The following RNF122 variants were observed in gnomAD, a reference collection of about 807,000 sequenced individuals.
RNF122 encodes ring finger protein 122.
Under a neutral mutation model 24.2 loss-of-function variants are expected in RNF122, and 17 were observed. That is an observed-to-expected ratio of 0.70 (90% CI 0.48 to 1.06). RNF122 has a LOEUF of 1.06. Among genes scored for constraint, RNF122 ranks in the 50% least tolerant of loss-of-function variants. The pLI is 0.00. For synonymous variants in RNF122, 65 were observed against 71.8 expected, an observed-to-expected ratio of 0.91 and a Z score of 0.48; for missense variants, 168 against 198.1, an observed-to-expected ratio of 0.85 and a Z score of 0.91.
At chr8:33,550,249 A>C (rs566991120) in intron 4 of RNF122, among the ~76,000 whole-genome samples, 1 of 152,256 alleles carries the variant, frequency 6.6e-6, no homozygotes, top group East Asian at 1.9e-4. Context: ...CATTCTTTAA[A>C]TCCAGACTTC....
chr8:33,552,795 A>C (rs1309465190), intron 2 of RNF122, among the ~76,000 whole-genome samples: 3 of 152,050 alleles, frequency 2.0e-5, no homozygotes, highest in African/African-American at 7.2e-5. Context: ...GGGATGGCTC[A>C]TGCCTGTAAT....
Position 33,564,029 on chromosome 8 carries a change from T to C in RNF122, c.25+2670A>G, listed in dbSNP as rs746933943. On this transcript the variant is annotated intron_variant, in intron 1 of 5. Transcript: ENST00000256257. Reference sequence around the variant, plus strand: ...GATAAAGAGGTCGGTGGGAAGAGCATAGTCAAGAGGAGATGGTTCATTTGC... The same window carrying C: ...GATAAAGAGGTCGGTGGGAAGAGCACAGTCAAGAGGAGATGGTTCATTTGC... Among the ~76,000 whole-genome samples, 2 of 152,158 alleles carry C rather than the reference T, an allele frequency of 1.3e-5. 1 individual carries two copies. Among genetic ancestry groups the C allele is most frequent in the Admixed American group, 1.3e-4 (2 of 15,252 alleles).
intron 2 of RNF122, among the ~76,000 whole-genome samples, chr8:33,556,804 T>A (rs1312599501): frequency 6.6e-6 from 1 of 152,170 alleles, no homozygotes; most frequent in Non-Finnish European, 1.5e-5. Context: ...CTGCATAGAT[T>A]TTTATGTGGA....
chr8:33,548,948 T>C (rs1253469187), intron 5 of RNF122, 81 bp from the exon 6 acceptor site: 5 of 1,017,102 alleles, frequency 4.9e-6, no homozygotes, highest in Admixed American at 1.7e-5. Flanking sequence ...GAATATCCCG[T>C]GGTGGCTCAC....
Position 33,551,360 on chromosome 8 carries a change from C to T in RNF122, c.212G>A (p.Arg71Gln), listed in dbSNP as rs267601903. ...SKLRNQAQSE[R>Q]YGYKEVVLKG... ...GCACTTTACCTCCTTATATCCGTAT[C>T]GCTCACTCTGTGCCTGGTTCCGCAG... The change falls in exon 3 of 6, where the codon CGA becomes CAA. Residue 71 changes from arginine to glutamine, a missense_variant. Arg to Gln is a conservative substitution (Grantham distance 43). Coordinates refer to ENST00000256257, the MANE Select transcript of RNF122 (RefSeq NM_024787.3). 23 of 1,613,980 alleles carry T rather than the reference C, an allele frequency of 1.4e-5. No individual in the cohort carries two copies. Among genetic ancestry groups the T allele is most frequent in the African/African-American group, 5.3e-5 (4 of 74,926 alleles).
chr8:33,562,935 A>C (rs1810560438), intron 1 of RNF122, among the ~76,000 whole-genome samples: 1 of 151,916 alleles, frequency 6.6e-6, no homozygotes, highest in African/African-American at 2.4e-5. Context: ...AAACAAAACA[A>C]AACAAAAAAC....
chr8:33,556,067 G>C (rs1369279928), intron 2 of RNF122, among the ~76,000 whole-genome samples: 1 of 151,050 alleles, frequency 6.6e-6, no homozygotes, highest in East Asian at 2.0e-4. Flanking sequence ...GCACACACCT[G>C]TACTCGGGAG....
chr8:33,564,197 G>A (rs977453303), intron 1 of RNF122, among the ~76,000 whole-genome samples: 1 of 152,120 alleles, frequency 6.6e-6, no homozygotes, highest in African/African-American at 2.4e-5. Flanking sequence ...AGGGGTGAGG[G>A]AAGGGTTGCT....
intron 4 of RNF122, among the ~76,000 whole-genome samples, chr8:33,550,658 A>G (rs902317802): frequency 6.6e-6 from 1 of 152,166 alleles, no homozygotes; most frequent in African/African-American, 2.4e-5. Context: ...GGTATATACA[A>G]AAGTAAAAGG....
intron 1 of RNF122, among the ~76,000 whole-genome samples, chr8:33,565,364 G>T (rs142810737): frequency 8.0e-4 from 112 of 140,172 alleles, no homozygotes; most frequent in African/African-American, 2.8e-3. Context: ...TCTGGCAGGA[G>T]TCTACTCTAA....
chr8:33,566,105 G>A (rs181343437), intron 1 of RNF122, among the ~76,000 whole-genome samples: 3,234 of 152,102 alleles, frequency 0.021, 61 homozygotes, highest in Non-Finnish European at 0.028. Flanking sequence ...CGCCCGCCTC[G>A]GCCTCCCAAA....
rs140283198 is a variant in RNF122, at chr8:33,548,349, T to C, written c.*404A>G. The C allele has an allele frequency of 7.9e-4, 123 of 156,282 alleles. No individual in the cohort carries two copies. Among genetic ancestry groups the C allele is most frequent in the African/African-American group, 2.6e-3 (108 of 41,750 alleles). The allele number at this position is 156,282 out of a possible 1,614,324, so 9.7% of individuals were successfully genotyped here. On this transcript the variant is annotated 3_prime_UTR_variant, in exon 6 of 6. Transcript: ENST00000256257. ...GAAGGAGTGGGAAGGGGAGGGAAGG[T>C]TGTAGAGAGGTAAGAGCCCGTCTCA...
intron 2 of RNF122, among the ~76,000 whole-genome samples, chr8:33,555,041 G>A (rs903245230): frequency 1.3e-5 from 2 of 152,194 alleles, no homozygotes; most frequent in African/African-American, 4.8e-5. Context: ...CTCTGAGACT[G>A]TGAAACTCCA....
At chr8:33,552,773 T>C (rs1810396034) in intron 2 of RNF122, among the ~76,000 whole-genome samples, 1 of 151,976 alleles carries the variant, frequency 6.6e-6, no homozygotes, top group Non-Finnish European at 1.5e-5. Context: ...GCCTCCTGTA[T>C]GTGGGTTGGG....
chr8:33,551,065 G>C lies in RNF122; in HGVS notation c.249C>G (p.Ala83=). Reference sequence around the variant, plus strand: ...TTACCCCATATAATTGTAACTTCTTGGCATCACCTTTAAGCACCACCTGAA... The same window carrying C: ...TTACCCCATATAATTGTAACTTCTTCGCATCACCTTTAAGCACCACCTGAA... ...GYKEVVLKGD[A]KKLQLYGQTC... Residue 83 remains alanine (A), a synonymous_variant, in exon 4 of 6, where the codon GCC becomes GCG. Coordinates refer to ENST00000256257, the MANE Select transcript of RNF122 (RefSeq NM_024787.3). 1 of 1,614,028 alleles carries C rather than the reference G, an allele frequency of 6.2e-7. No homozygotes were observed. The highest frequency in any genetic ancestry group is 8.5e-7 in the Non-Finnish European group (1 of 1,179,994).
At chr8:33,556,406 G>A (rs980613768) in intron 2 of RNF122, among the ~76,000 whole-genome samples, 1 of 152,130 alleles carries the variant, frequency 6.6e-6, no homozygotes, top group African/African-American at 2.4e-5. Flanking sequence ...GGGCCATGGT[G>A]CCCGGCCTAG....
chr8:33,551,401 A>G lies in RNF122; in HGVS notation c.183-12T>C. 1 of 1,614,096 alleles carries G rather than the reference A, an allele frequency of 6.2e-7. No homozygotes were observed. The highest frequency in any genetic ancestry group is 8.5e-7 in the Non-Finnish European group (1 of 1,179,946). ...GGTTCCGCAGTTTGCTGGGAGAAAG[A>G]GAAAAAAATTAGAGAAAGCAGGTTA... On this transcript the variant is annotated splice_polypyrimidine_tract_variant and intron_variant, in intron 2 of 5. Transcript: ENST00000256257.
intron 2 of RNF122, among the ~76,000 whole-genome samples, chr8:33,556,179 CAAAAA>C (rs538829399): frequency 1.5e-4 from 5 of 33,974 alleles, no homozygotes; most frequent in African/African-American, 5.1e-4. Flanking sequence ...GACCCTGTCT[CAAAAA>C]AAAAAAAAAA....
intron 1 of RNF122, among the ~76,000 whole-genome samples, chr8:33,566,309 C>T (rs886350907): frequency 2.6e-4 from 40 of 152,232 alleles, no homozygotes; most frequent in African/African-American, 9.4e-4. Context: ...AGGCCGGGAA[C>T]TTGAGCTCCC....
Sources: allele counts gnomAD v4.1 joint callset (sites outside exome capture counted in the v4.1 genomes callset), GRCh38; gene constraint gnomAD v4.1.1; transcripts MANE v1.5; gene names NCBI Gene and HGNC (gene_info 2026-07-23, HGNC 2026-07-21).